The following SLC2A5 variants were observed in gnomAD, a reference collection of about 807,000 sequenced individuals.
SLC2A5 encodes the protein solute carrier family 2, facilitated glucose transporter member 5.
In SLC2A5, 56 loss-of-function variants were observed where a neutral mutation model predicts 50.3. That is an observed-to-expected ratio of 1.11 (90% CI 0.90 to 1.39). SLC2A5 has a LOEUF of 1.39. Among genes scored for constraint, SLC2A5 ranks in the 40% most tolerant of loss-of-function variants. The probability of loss-of-function intolerance (pLI) is 0.00; values close to 1 mark genes in which losing one functional copy is unlikely to be tolerated. For synonymous variants in SLC2A5, 269 were observed against 281.9 expected, an observed-to-expected ratio of 0.95 and a Z score of 0.46; for missense variants, 566 against 650.1, an observed-to-expected ratio of 0.87 and a Z score of 1.41.
chr1:9,051,555 A>T (rs986983240), intron 3 of SLC2A5, among the ~76,000 whole-genome samples: 1 of 152,200 alleles, frequency 6.6e-6, no homozygotes. Context: ...GGTGCACCAC[A>T]TGATGTGTTA....
upstream of SLC2A5, among the ~76,000 whole-genome samples, chr1:9,074,534 TG>T (rs1393545711): frequency 6.6e-6 from 1 of 152,190 alleles, no homozygotes; most frequent in Non-Finnish European, 1.5e-5. Context: ...TAGCTACTTG[TG>T]GGGATACTTA....
chr1:9,062,878 T>A (rs2457717), intron 1 of SLC2A5, among the ~76,000 whole-genome samples: 64,675 of 149,466 alleles, frequency 0.43, 14,342 homozygotes, highest in East Asian at 0.66. Context: ...TCTCAAAAAA[T>A]AAATAAATAA....
Position 9,040,311 on chromosome 1 carries a change from T to C in SLC2A5, c.572-122A>G. On this transcript the variant is annotated intron_variant, in intron 5 of 11. Transcript: ENST00000377424. The surrounding 1 kb of genome is among the most constrained non-coding windows in gnomAD (Gnocchi z 4.3). ...TGCAGGCTCCAGGAGGGCACAGCTT[T>C]CCCAGCCCTAAGAACAGCAACTCCC... is the stretch of plus-strand genomic sequence containing the variant. 8.0e-7 allele frequency: 1 copy of C among 1,252,594 alleles called. No homozygotes were observed. 77.6% of individuals were successfully genotyped at this position (1,252,594 alleles called of 1,614,324 possible). A position where few individuals can be genotyped will look rare whatever the true frequency, so the allele number is the denominator to read the frequency against.
At chr1:9,055,131 A>G (rs1474865394) in intron 3 of SLC2A5, among the ~76,000 whole-genome samples, 2 of 152,184 alleles carry the variant, frequency 1.3e-5, no homozygotes, top group Non-Finnish European at 2.9e-5. Context: ...CAGAAGTGAA[A>G]CATCCTGGGT....
rs750822839 is a variant in SLC2A5, at chr1:9,041,983, G to T, written c.419-46C>A. ...AACACCATCAGAAAAAATTAGTCTG[G>T]CAGGGACAAGCTGTCTTCAAGTATA... On this transcript the variant is annotated intron_variant, in intron 4 of 11. Coordinates refer to ENST00000377424, the MANE Select transcript of SLC2A5 (RefSeq NM_003039.3). 22 of 1,515,696 alleles carry T rather than the reference G, an allele frequency of 1.5e-5. No homozygotes were observed. The South Asian group carries it at 2.8e-4, about 19-fold the overall frequency. The allele number at this position is 1,515,696 out of a possible 1,614,324, so 93.9% of individuals were successfully genotyped here. A position where few individuals can be genotyped will look rare whatever the true frequency, so the allele number is the denominator to read the frequency against.
chr1:9,040,390 T>G lies in SLC2A5; in HGVS notation c.572-201A>C. ...GCAGGGATCAGCAGCGACGCACCCC[T>G]GCGCCCATCAGACAGACCACACCGA... On this transcript the variant is annotated intron_variant, in intron 5 of 11. Transcript: ENST00000377424. This position sits in a 1 kb window ranked among gnomAD's most constrained non-coding sequence, Gnocchi z 4.3. 1 of 626,836 alleles carries G rather than the reference T, an allele frequency of 1.6e-6. No homozygotes were observed. Among genetic ancestry groups the G allele is most frequent in the Non-Finnish European group, 2.7e-6 (1 of 366,638 alleles). 38.8% of individuals were successfully genotyped at this position (626,836 alleles called of 1,614,324 possible).
rs779703516 is a variant in SLC2A5, at chr1:9,057,443, C to T, written c.293+5G>A. ...TCAGGGAATTAAAAATTCACCTTCC[C>T]TTACCTGCCAAATTTATTCACCAAG... is the stretch of plus-strand genomic sequence containing the variant. On this transcript the variant is annotated splice_donor_5th_base_variant and intron_variant, in intron 3 of 11. Coordinates refer to ENST00000377424, the MANE Select transcript of SLC2A5 (RefSeq NM_003039.3). 6.2e-7 allele frequency: 1 copy of T among 1,607,530 alleles called. No individual in the cohort carries two copies. The highest frequency in any genetic ancestry group is 2.2e-5 in the East Asian group (1 of 44,772).
At chr1:9,060,134 CACACACTACAT>C (rs1348822466) in intron 1 of SLC2A5, among the ~76,000 whole-genome samples, 1 of 94,684 alleles carries the variant, frequency 1.1e-5, no homozygotes, top group Non-Finnish European at 2.3e-5. Context: ...ACACACAACA[CACACACTACAT>C]ACACACTACA....
chr1:9,052,231 C>A (rs1312815667), intron 3 of SLC2A5, among the ~76,000 whole-genome samples: 1 of 152,136 alleles, frequency 6.6e-6, no homozygotes, highest in Non-Finnish European at 1.5e-5. Context: ...TTGCAGTGAG[C>A]CGAGATTGTG....
rs553380535 is a variant in SLC2A5 at position 9,059,514 on chromosome 1, G to A, written c.34-1264C>T. 3.3e-4 allele frequency among the ~76,000 whole-genome samples: 47 copies of A among 142,556 alleles called. No individual in the cohort carries two copies. The South Asian group carries it at 5.8e-3, about 18-fold the overall frequency. The allele number at this position is 142,556 out of a possible 152,430, so 93.5% of individuals were successfully genotyped here. On this transcript the variant is annotated intron_variant, in intron 1 of 11. Transcript: ENST00000377424. Reference sequence around the variant, plus strand: ...AGTGACAAGACAAGCACTATCCCACGGTATCTAAATCTACAGAGAATCTTT... The same window carrying A: ...AGTGACAAGACAAGCACTATCCCACAGTATCTAAATCTACAGAGAATCTTT...
intron 3 of SLC2A5, among the ~76,000 whole-genome samples, chr1:9,052,696 G>T (rs1345652905): frequency 6.6e-6 from 1 of 152,132 alleles, no homozygotes; most frequent in African/African-American, 2.4e-5. Context: ...TCTCAATTAT[G>T]TGAGCCTAAA....
chr1:9,061,809 C>T (rs1641951928), intron 1 of SLC2A5, among the ~76,000 whole-genome samples: 1 of 152,068 alleles, frequency 6.6e-6, no homozygotes, highest in Non-Finnish European at 1.5e-5. Flanking sequence ...CTGGCTGGTT[C>T]CCAGGGCTCA....
chr1:9,039,813 G>A lies in SLC2A5; in HGVS notation c.872C>T (p.Ser291Leu), dbSNP rs769421798. The change falls in exon 7 of 12, where the codon TCG (serine) becomes TTG (leucine). Residue 291 changes from serine (S) to leucine (L), a missense_variant. By Grantham distance (145) the Ser-to-Leu change is moderately radical. Transcript: ENST00000377424. Reference protein sequence around the residue: ...IIVLMGGQQLSGVNAIYYYAD... With the variant: ...IIVLMGGQQLLGVNAIYYYAD... ...CCCGGCCCATACAGCGTTGACGCCCGACAGCTGCTGGCCGCCCATGAGGAC... is the reference window on the plus strand; with the variant it reads ...CCCGGCCCATACAGCGTTGACGCCCAACAGCTGCTGGCCGCCCATGAGGAC... The A allele has an allele frequency of 3.2e-6, 5 of 1,585,646 alleles. No individual in the cohort carries two copies. Among genetic ancestry groups the A allele is most frequent in the East Asian group, 2.3e-5 (1 of 43,002 alleles).
At chr1:9,085,770 A>C (rs909327428) in intron 1 of SLC2A5, among the ~76,000 whole-genome samples, 1 of 152,174 alleles carries the variant, frequency 6.6e-6, no homozygotes. Flanking sequence ...AGGACGGGGC[A>C]GGTTTGCTCC....
intron 1 of SLC2A5, 88 bp from the exon 2 acceptor site, chr1:9,058,338 G>T: frequency 1.1e-6 from 1 of 876,088 alleles, no homozygotes; most frequent in Non-Finnish European, 1.9e-6. Flanking sequence ...AGATGTAACA[G>T]AATCTGAAGA....
intron 2 of SLC2A5, among the ~76,000 whole-genome samples, chr1:9,084,159 A>G (rs1642382533): frequency 6.6e-6 from 1 of 152,140 alleles, no homozygotes; most frequent in Admixed American, 6.5e-5. Flanking sequence ...AAAAAATAAT[A>G]ATAATACTAA....
upstream of SLC2A5, among the ~76,000 whole-genome samples, chr1:9,090,204 A>G (rs181358345): frequency 0.021 from 3,261 of 152,212 alleles, 103 homozygotes; most frequent in African/African-American, 0.073. Flanking sequence ...CCACTCTTAT[A>G]TATTATTATG....
intron 2 of SLC2A5, among the ~76,000 whole-genome samples, chr1:9,082,521 C>T (rs1642365584): frequency 6.6e-6 from 1 of 152,018 alleles, no homozygotes; most frequent in Non-Finnish European, 1.5e-5. Context: ...CAAGTCTAGC[C>T]TTGGCAACAT....
At chr1:9,075,850 G>A (rs913373992) in intron 2 of SLC2A5, among the ~76,000 whole-genome samples, 8 of 152,046 alleles carry the variant, frequency 5.3e-5, no homozygotes, top group African/African-American at 9.7e-5. Context: ...TAGTAGAAAC[G>A]GGGTTTCACC....
Sources: allele counts gnomAD v4.1 joint callset (sites outside exome capture counted in the v4.1 genomes callset), GRCh38; gene constraint gnomAD v4.1.1; non-coding constraint Gnocchi (gnomAD v3.1); transcripts MANE v1.5; gene names NCBI Gene and HGNC (gene_info 2026-07-23, HGNC 2026-07-21).